The following CDK19 variants were observed in gnomAD, a reference collection of about 807,000 sequenced individuals.
The protein encoded by CDK19 is cyclin-dependent kinase 19.
CDK19 carries 20 observed loss-of-function variants against 68.3 expected under a neutral mutation model. The observed-to-expected ratio is 0.29, with a 90% CI of 0.21 to 0.43. CDK19 has a LOEUF of 0.43. CDK19 is among the 20% of genes least tolerant of loss of function. The probability of loss-of-function intolerance (pLI) is 1.00; values close to 1 mark genes in which losing one functional copy is unlikely to be tolerated. For missense variants in CDK19, 339 were observed against 623.5 expected (o/e 0.54, Z 4.86); for synonymous variants, 221 against 222.8 (o/e 0.99, Z 0.07).
At chr6:110,695,146 GGAAAGGAAAGAA>G (rs888442518) in intron 2 of CDK19, among the ~76,000 whole-genome samples, 1 of 150,914 alleles carries the variant, frequency 6.6e-6, no homozygotes, top group Non-Finnish European at 1.5e-5. Flanking sequence ...AGGGGAAAGG[GGAAAGGAAAGAA>G]GAAAGGAAAG....
At chr6:110,738,662 A>G (rs1355329846) in intron 2 of CDK19, among the ~76,000 whole-genome samples, 2 of 152,246 alleles carry the variant, frequency 1.3e-5, no homozygotes, top group Non-Finnish European at 2.9e-5. Context: ...AAATTAAATT[A>G]AAAAGAATTA....
rs575572116 is a variant in CDK19 at position 110,682,191 on chromosome 6, T to A, written c.205-11650A>T. 5.9e-5 allele frequency among the ~76,000 whole-genome samples: 9 copies of A among 152,350 alleles called. No homozygotes were observed. The South Asian group carries it at 1.9e-3, about 32-fold the overall frequency. On this transcript the variant is annotated intron_variant, in intron 2 of 12. Coordinates refer to ENST00000368911, the MANE Select transcript of CDK19 (RefSeq NM_015076.5). The stretch of plus-strand genomic sequence containing the variant: ...ATCTCAAAGTAAATCCAATTTTCTA[T>A]TCTTTTTTGATCTCTTTTAAGTAAC...
chr6:110,613,946 T>A lies in CDK19; in HGVS notation c.*589A>T, dbSNP rs1038535363. The A allele has an allele frequency of 1.3e-5, 2 of 152,658 alleles. No individual in the cohort carries two copies. The highest frequency in any genetic ancestry group is 2.9e-5 in the Non-Finnish European group (2 of 68,044). The allele number at this position is 152,658 out of a possible 1,614,324, so 9.5% of individuals were successfully genotyped here. ...TTGTAGGTTCCCTCTGTCCCACCGC[T>A]TGTCTTTTTATTAGACCTTCCCTGA... On this transcript the variant is annotated 3_prime_UTR_variant, in exon 13 of 13. Transcript: ENST00000368911.
chr6:110,811,336 T>C (rs1407270527), intron 1 of CDK19, among the ~76,000 whole-genome samples: 1 of 152,228 alleles, frequency 6.6e-6, no homozygotes, highest in Non-Finnish European at 1.5e-5. Flanking sequence ...CATTAAGTTA[T>C]GTAGTCATCA....
chr6:110,745,067 A>G (rs903232625), intron 2 of CDK19, among the ~76,000 whole-genome samples: 2 of 152,230 alleles, frequency 1.3e-5, no homozygotes, highest in African/African-American at 4.8e-5. Context: ...AGAGACAAAC[A>G]TCTCTAATAG....
At chr6:110,638,522 A>T in intron 5 of CDK19, 127 bp downstream of exon 5, 1 of 634,276 alleles carries the variant, frequency 1.6e-6, no homozygotes, top group Non-Finnish European at 2.8e-6. Context: ...ATTTTCCAAT[A>T]TCTTTTCTAA....
chr6:110,761,971 C>G (rs1779260789), intron 1 of CDK19, among the ~76,000 whole-genome samples: 2 of 152,120 alleles, frequency 1.3e-5, no homozygotes, highest in African/African-American at 4.8e-5. Flanking sequence ...CATTTTCCCC[C>G]CAGGCTTTTG....
At chr6:110,624,038 T>C (rs1170218379) in intron 8 of CDK19, among the ~76,000 whole-genome samples, 1 of 151,138 alleles carries the variant, frequency 6.6e-6, no homozygotes, top group Admixed American at 6.6e-5. Context: ...ACAGTAAAAA[T>C]GAATATGCAA....
intron 4 of CDK19, among the ~76,000 whole-genome samples, chr6:110,647,420 TC>T: frequency 6.6e-6 from 1 of 151,834 alleles, no homozygotes; most frequent in Non-Finnish European, 1.5e-5. Flanking sequence ...AGGGTAGAAA[TC>T]CATGAACCAG....
chr6:110,777,846 C>A (rs1190713020), intron 1 of CDK19, among the ~76,000 whole-genome samples: 2 of 152,194 alleles, frequency 1.3e-5, no homozygotes, highest in Admixed American at 6.5e-5. Context: ...CTACAACAAG[C>A]TTGAAGGCAT....
At chr6:110,634,165 A>C (rs769166193) in intron 5 of CDK19, among the ~76,000 whole-genome samples, 2 of 152,212 alleles carry the variant, frequency 1.3e-5, no homozygotes, top group Non-Finnish European at 2.9e-5. Flanking sequence ...TTACATTTAC[A>C]TAAGCAGAAC....
chr6:110,681,071 C>G (rs551768880), intron 2 of CDK19, among the ~76,000 whole-genome samples: 19 of 151,972 alleles, frequency 1.3e-4, no homozygotes, highest in African/African-American at 4.3e-4. Context: ...GGCGTGGTGG[C>G]TCACACCTGT....
Position 110,766,585 on chromosome 6 carries a change from A to G in CDK19, c.129-20384T>C, listed in dbSNP as rs185546987. Reference sequence around the variant, plus strand: ...AGAGCGAGACTCTGTCTCAAAAAAAAGAAAGAAAAAAGAAATCCTGTCATT... The same window carrying G: ...AGAGCGAGACTCTGTCTCAAAAAAAGGAAAGAAAAAAGAAATCCTGTCATT... On this transcript the variant is annotated intron_variant, in intron 1 of 12. Coordinates refer to ENST00000368911, the MANE Select transcript of CDK19 (RefSeq NM_015076.5). 3.3e-5 allele frequency among the ~76,000 whole-genome samples: 5 copies of G among 152,246 alleles called. No homozygotes were observed. The East Asian group carries it at 9.6e-4, about 29-fold the overall frequency.
At position 110,745,045 on chromosome 6, in the gene CDK19, T is replaced by G. The variant is rs1402900565; in HGVS notation, c.204+1081A>C. Reference sequence around the variant, plus strand: ...TTAAGTAACAATTATTTAAATAAATTTCTAACAATTTAGAGACAAACATCT... The same window carrying G: ...TTAAGTAACAATTATTTAAATAAATGTCTAACAATTTAGAGACAAACATCT... On this transcript the variant is annotated intron_variant, in intron 2 of 12. Coordinates refer to ENST00000368911, the MANE Select transcript of CDK19 (RefSeq NM_015076.5). Among the ~76,000 whole-genome samples, 4 of 152,206 alleles carry G rather than the reference T, an allele frequency of 2.6e-5. No homozygotes were observed. The East Asian group carries it at 7.7e-4, about 29-fold the overall frequency.
intron 1 of CDK19, among the ~76,000 whole-genome samples, chr6:110,803,358 C>T (rs1157257089): frequency 1.3e-5 from 2 of 152,136 alleles, no homozygotes; most frequent in East Asian, 1.9e-4. Context: ...GGATTACAGG[C>T]GTGAGCCACC....
chr6:110,787,376 ACAAAC>A (rs528625451), intron 1 of CDK19, among the ~76,000 whole-genome samples: 325 of 151,912 alleles, frequency 2.1e-3, no homozygotes, highest in African/African-American at 7.2e-3. Context: ...TCTGTCTAAA[ACAAAC>A]AAACAAACAA....
chr6:110,811,495 G>A (rs1459696757), intron 1 of CDK19, among the ~76,000 whole-genome samples: 3 of 152,142 alleles, frequency 2.0e-5, no homozygotes, highest in Admixed American at 6.6e-5. Flanking sequence ...TGATCCACCT[G>A]CCTCGGCTTC....
At position 110,622,090 on chromosome 6, in the gene CDK19, T is replaced by C; in HGVS notation, c.1108A>G (p.Lys370Glu). Residue 370 changes from lysine to glutamate, a missense_variant and splice_region_variant, in exon 11 of 13, where the codon AAG becomes GAG. Around this residue, in one of 4 missense-constraint regions of CDK19, gnomAD observed 155 missense variants for 222.7 expected, o/e 0.70. Coordinates refer to ENST00000368911, the MANE Select transcript of CDK19 (RefSeq NM_015076.5). Reference sequence around the variant, plus strand: ...AAAGTATACCGTGCAGTTTATACCTTGTCACCTTTTTCTTCAGGATCATCT... The same window carrying C: ...AAAGTATACCGTGCAGTTTATACCTCGTCACCTTTTTCTTCAGGATCATCT... ...NEDDPEEKGD[K>E]NQQQQQNQHQ... 1 of 1,607,076 alleles carries C rather than the reference T, an allele frequency of 6.2e-7. No homozygotes were observed.
chr6:110,794,084 C>T (rs1394981156), intron 1 of CDK19, among the ~76,000 whole-genome samples: 1 of 152,128 alleles, frequency 6.6e-6, no homozygotes, highest in African/African-American at 2.4e-5. Flanking sequence ...CTCGCTCTGT[C>T]ACCCAGGCTG....
Sources: gnomAD v4.1 joint callset for allele counts (sites outside exome capture counted in the v4.1 genomes callset) on GRCh38, gnomAD v4.1.1 for gene constraint, gnomAD v4.1.1 regional missense constraint, MANE v1.5 for transcripts, NCBI Gene and HGNC (gene_info 2026-07-23, HGNC 2026-07-21) for gene names.